Variants in MYO19 observed in about 807,000 individuals in gnomAD.
MYO19 encodes myosin XIX.
Under a neutral mutation model 129.2 loss-of-function variants are expected in MYO19, and 132 were observed. That is an observed-to-expected ratio of 1.02 (90% confidence interval 0.89 to 1.18). The LOEUF (loss-of-function observed/expected upper bound fraction) is 1.18. Among genes scored for constraint, MYO19 ranks in the 50% most tolerant of loss-of-function variants. The probability of loss-of-function intolerance (pLI) is 0.00; values close to 1 mark genes in which losing one functional copy is unlikely to be tolerated. For synonymous variants in MYO19, 531 were observed against 477.2 expected (o/e 1.11, Z -1.47); for missense variants, 1,210 against 1,216.7 (o/e 0.99, Z 0.08).
At chr17:36,511,525 T>C (rs1215910232) in intron 11 of MYO19, 70 bp from the exon 12 acceptor site, 5 of 1,362,522 alleles carry the variant, frequency 3.7e-6, no homozygotes, top group South Asian at 2.5e-5. Context: ...GAAGGGCCGT[T>C]CTGCTGAGTA....
upstream of MYO19, chr17:36,537,512 T>C: frequency 1.2e-6 from 2 of 1,614,226 alleles, no homozygotes; most frequent in Non-Finnish European, 1.7e-6. Context: ...TAATTACCAG[T>C]GCGTTTACTG....
At chr17:36,531,950 TGA>T (rs952238612) in intron 3 of MYO19, among the ~76,000 whole-genome samples, 1 of 152,200 alleles carries the variant, frequency 6.6e-6, no homozygotes, top group African/African-American at 2.4e-5. Context: ...GATATGGGTA[TGA>T]GAGAGAGCTC....
Position 36,515,922 on chromosome 17 carries a change from G to A in MYO19, c.483C>T (p.Ser161=). Residue 161 remains serine (S), a synonymous_variant, in exon 7 of 26, where the codon AGC becomes AGT. Transcript: ENST00000614623. The part of the protein sequence containing the change: ...VVATSPASWE[S]HKIAERIEQR... ...GTTCTATCCTCTCTGCAATCTTGTG[G>A]CTCTCCCAAGATGCAGGTGAGGTGG... 1 of 1,613,836 alleles carries A rather than the reference G, an allele frequency of 6.2e-7. No individual in the cohort carries two copies. Among genetic ancestry groups the A allele is most frequent in the Non-Finnish European group, 8.5e-7 (1 of 1,179,798 alleles).
rs1207129408 is a variant in MYO19, at chr17:36,528,089, C to A, written c.126G>T (p.Arg42Ser). Residue 42 changes from arginine (R) to serine (S), a missense_variant, in exon 4 of 26, where the codon AGG becomes AGT. By Grantham distance (110) the Arg-to-Ser change is moderately radical (BLOSUM62 -1). Transcript: ENST00000614623. Reference protein sequence around the residue: ...VLLYKLDDLTRVNPVTLETVL... With the variant: ...VLLYKLDDLTSVNPVTLETVL... The stretch of plus-strand genomic sequence containing the variant: ...CTGTCTCTAGTGTCACAGGATTCAC[C>A]CTGGTGAGGTCATCCAGTTTGTACA... 1 of 1,613,774 alleles carries A rather than the reference C, an allele frequency of 6.2e-7. No individual in the cohort carries two copies. Among genetic ancestry groups the A allele is most frequent in the East Asian group, 2.2e-5 (1 of 44,880 alleles).
At chr17:36,505,008 C>T (rs1478087998) in intron 19 of MYO19, 3 of 590,326 alleles carry the variant, frequency 5.1e-6, no homozygotes, top group Non-Finnish European at 9.6e-6. Flanking sequence ...CAGCTAATCA[C>T]GAGACACCCA....
At position 36,525,185 on chromosome 17, in the gene MYO19, C is replaced by T. The variant is rs373217522; in HGVS notation, c.414+43G>A. On this transcript the variant is annotated intron_variant, in intron 6 of 25. Transcript: ENST00000614623. ...AATGACCCCTGCCTCCCTGTCCACC[C>T]AGCCAGTCGTGAGTTGACAGGATGG... The T allele has an allele frequency of 1.0e-5, 15 of 1,468,664 alleles. No individual in the cohort carries two copies. The African/African-American group carries it at 1.9e-4, about 19-fold the overall frequency. 91.0% of individuals were successfully genotyped at this position (1,468,664 alleles called of 1,614,324 possible). A position where few individuals can be genotyped will look rare whatever the true frequency, so the allele number is the denominator to read the frequency against.
At chr17:36,514,902 A>G (rs986388136) in intron 8 of MYO19, among the ~76,000 whole-genome samples, 1 of 152,202 alleles carries the variant, frequency 6.6e-6, no homozygotes, top group African/African-American at 2.4e-5. Flanking sequence ...GGCCTGAATA[A>G]GCGCACTGCC....
chr17:36,517,735 C>G (rs1036340834), intron 6 of MYO19, among the ~76,000 whole-genome samples: 1 of 152,144 alleles, frequency 6.6e-6, no homozygotes, highest in South Asian at 2.1e-4. Context: ...TATTTTGAAG[C>G]CCTCACTCCC....
intron 19 of MYO19, 153 bp downstream of exon 19, chr17:36,505,144 C>T (rs769910400): frequency 2.5e-6 from 2 of 797,310 alleles, no homozygotes; most frequent in South Asian, 2.7e-5. Context: ...TGCCCTGCCA[C>T]AGCAAGGGAG....
intron 18 of MYO19, among the ~76,000 whole-genome samples, chr17:36,506,200 C>T (rs984512334): frequency 6.6e-5 from 10 of 152,080 alleles, no homozygotes; most frequent in African/African-American, 2.4e-4. Flanking sequence ...CCATGAGCAC[C>T]CCAGTGGCAG....
chr17:36,500,724 C>G (rs562896436), intron 23 of MYO19, 106 bp downstream of exon 23: 1 of 1,441,880 alleles, frequency 6.9e-7, no homozygotes, highest in East Asian at 2.4e-5. Flanking sequence ...TCTCTTCAGG[C>G]TGGGACACAG....
rs1448046316 is a variant in MYO19, at chr17:36,516,156, CCT to C, written c.415-168_415-167del. Among the ~76,000 whole-genome samples the C allele has an allele frequency of 4.6e-5, 7 of 152,196 alleles. No homozygotes were observed. The East Asian group carries it at 1.3e-3, about 29-fold the overall frequency. On this transcript the variant is annotated intron_variant, in intron 6 of 25. Coordinates refer to ENST00000614623, the MANE Select transcript of MYO19 (RefSeq NM_001163735.2). ...GGCCTCAGGCAAGGCACTTCCTCTA[CCT>C]CTGTTTGTAAAATGGGAGTAGACAT...
At chr17:36,536,742 T>C (rs977942551), upstream of MYO19, among the ~76,000 whole-genome samples, 2 of 152,184 alleles carry the variant, frequency 1.3e-5, no homozygotes, top group African/African-American at 4.8e-5. Flanking sequence ...CTCGAACTCC[T>C]GACCTCAGGT....
chr17:36,515,240 C>T, intron 7 of MYO19, 58 bp from the exon 8 acceptor site: 10 of 1,518,738 alleles, frequency 6.6e-6, no homozygotes, highest in Non-Finnish European at 9.0e-6. Flanking sequence ...CCTCATAAGC[C>T]AAGGTGGCTG....
chr17:36,529,300 G>A (rs1402371142), intron 3 of MYO19, among the ~76,000 whole-genome samples: 3 of 152,028 alleles, frequency 2.0e-5, no homozygotes, highest in Admixed American at 2.0e-4. Flanking sequence ...ATTGGGACTA[G>A]AGGCATGAGT....
intron 11 of MYO19, chr17:36,513,035 G>A (rs1409333286): frequency 1.8e-6 from 2 of 1,082,776 alleles, no homozygotes; most frequent in Non-Finnish European, 2.4e-6. Flanking sequence ...AGGCATAAAG[G>A]GAAATAAACA....
At chr17:36,537,365 C>T (rs2074156181), upstream of MYO19, 3 of 1,613,774 alleles carry the variant, frequency 1.9e-6, no homozygotes, top group Non-Finnish European at 8.5e-7. Flanking sequence ...GTGTAATTAT[C>T]TTTGGGGCAG....
At chr17:36,525,733 G>C (rs2073423760) in intron 5 of MYO19, among the ~76,000 whole-genome samples, 1 of 152,204 alleles carries the variant, frequency 6.6e-6, no homozygotes, top group African/African-American at 2.4e-5. Flanking sequence ...TAAGGAATGT[G>C]AGGTTCAGAG....
At chr17:36,509,919 G>C (rs1001457583) in intron 13 of MYO19, 1 of 152,220 alleles carries the variant, frequency 6.6e-6, no homozygotes, top group African/African-American at 2.4e-5. Flanking sequence ...AAATTAGCTT[G>C]AGGCAGTGGT....
Sources: allele counts gnomAD v4.1 joint callset (sites outside exome capture counted in the v4.1 genomes callset), GRCh38; gene constraint gnomAD v4.1.1; transcripts MANE v1.5; gene names NCBI Gene and HGNC (gene_info 2026-07-23, HGNC 2026-07-21).